Variants in NUDT3 observed in about 807,000 individuals in gnomAD.
NUDT3 encodes the protein diphosphoinositol polyphosphate phosphohydrolase 1.
Under a neutral mutation model 23.6 loss-of-function variants are expected in NUDT3, and 9 were observed. The ratio of observed to expected loss-of-function variants is 0.38; its 90% CI spans 0.23 to 0.66. The LOEUF (loss-of-function observed/expected upper bound fraction) is 0.66. Among genes scored for constraint, NUDT3 ranks in the 30% least tolerant of loss-of-function variants. The pLI is 0.52. For synonymous variants in NUDT3, 86 were observed against 82.6 expected (o/e 1.04, Z -0.22); for missense variants, 172 against 218.5 (o/e 0.79, Z 1.34).
At chr6:34,297,760 A>ATTTTTTTT (rs1348385184) in intron 2 of NUDT3, among the ~76,000 whole-genome samples, 1 of 53,626 alleles carries the variant, frequency 1.9e-5, no homozygotes, top group Admixed American at 2.6e-4. Context: ...TATATATATA[A>ATTTTTTTT]TTTTTTTTTT....
intron 2 of NUDT3, among the ~76,000 whole-genome samples, chr6:34,312,117 T>C (rs1763782487): frequency 6.6e-6 from 1 of 152,098 alleles, no homozygotes; most frequent in African/African-American, 2.4e-5. Flanking sequence ...ATAGCTAAAA[T>C]TGGCAGGGTG....
chr6:34,373,422 C>T (rs206926), intron 1 of NUDT3, among the ~76,000 whole-genome samples: 149,305 of 150,938 alleles, frequency 0.99, 73,850 homozygotes, highest in Middle Eastern at 1. Context: ...AGAGGCTGAA[C>T]GGTATCTATC....
chr6:34,357,974 T>C (rs955010773), intron 1 of NUDT3, among the ~76,000 whole-genome samples: 9 of 152,180 alleles, frequency 5.9e-5, no homozygotes, highest in African/African-American at 2.2e-4. Context: ...ATTATTCTGA[T>C]TATAAATATG....
At position 34,284,782 on chromosome 6, in the gene NUDT3, G is replaced by C. The variant is rs1394919769; in HGVS notation, c.*3971C>G. ...AATTTTTTTCTTAAAAACCACAAAG[G>C]GTGACTTTTTTCTTCTAAGCAAGCA... On this transcript the variant is annotated 3_prime_UTR_variant, in exon 5 of 5. Transcript: ENST00000607016. 1 of 152,090 alleles carries C rather than the reference G, an allele frequency of 6.6e-6. No homozygotes were observed. Among genetic ancestry groups the C allele is most frequent in the Non-Finnish European group, 1.5e-5 (1 of 68,028 alleles). 9.4% of individuals were successfully genotyped at this position (152,090 alleles called of 1,614,324 possible). A position where few individuals can be genotyped will look rare whatever the true frequency, so the allele number is the denominator to read the frequency against.
At chr6:34,291,006 C>T (rs796372332) in intron 4 of NUDT3, among the ~76,000 whole-genome samples, 8 of 152,032 alleles carry the variant, frequency 5.3e-5, no homozygotes, top group Admixed American at 3.3e-4. Flanking sequence ...GTCATGCAGG[C>T]TGGAGTGCAG....
At chr6:34,324,816 T>C (rs1460158305) in intron 2 of NUDT3, among the ~76,000 whole-genome samples, 4 of 152,266 alleles carry the variant, frequency 2.6e-5, no homozygotes, top group Middle Eastern at 6.8e-3. Context: ...GAGGCAGCCA[T>C]TTACCATTTA....
At chr6:34,391,965 G>A (rs1765209217) in intron 1 of NUDT3, among the ~76,000 whole-genome samples, 1 of 152,162 alleles carries the variant, frequency 6.6e-6, no homozygotes, top group Non-Finnish European at 1.5e-5. Context: ...CCAGCCCACT[G>A]CCTTCTCCCG....
rs1763489040 is a variant in NUDT3, at chr6:34,295,687, T to C, written c.211-2A>G. ...TCCCAATGTCCCTTTTACTCCAGCC[T>C]AGAAAGTGAAAAGAACAATTAATGC... On this transcript the variant is annotated splice_acceptor_variant, in intron 2 of 4. Transcript: ENST00000607016. LOFTEE classifies it high-confidence loss of function. 2 of 1,613,828 alleles carry C rather than the reference T, an allele frequency of 1.2e-6. No individual in the cohort carries two copies. Among genetic ancestry groups the C allele is most frequent in the African/African-American group, 2.7e-5 (2 of 74,922 alleles).
At chr6:34,385,745 G>A (rs1325678988) in intron 1 of NUDT3, among the ~76,000 whole-genome samples, 3 of 150,782 alleles carry the variant, frequency 2.0e-5, no homozygotes, top group Non-Finnish European at 4.4e-5. Context: ...GTGCAGTGGC[G>A]TGCTGTTGGC....
chr6:34,313,236 G>T (rs1763802616), intron 2 of NUDT3, among the ~76,000 whole-genome samples: 1 of 152,078 alleles, frequency 6.6e-6, no homozygotes, highest in Non-Finnish European at 1.5e-5. Flanking sequence ...GTATTACTAA[G>T]TGGAAGAAGT....
At chr6:34,372,212 A>C (rs1473271523) in intron 1 of NUDT3, among the ~76,000 whole-genome samples, 2 of 152,124 alleles carry the variant, frequency 1.3e-5, no homozygotes, top group Non-Finnish European at 2.9e-5. Context: ...ATATGTGTGC[A>C]TGTGTCTTTA....
intron 2 of NUDT3, among the ~76,000 whole-genome samples, chr6:34,334,585 G>A (rs1764177672): frequency 6.6e-6 from 1 of 151,876 alleles, no homozygotes; most frequent in Non-Finnish European, 1.5e-5. Flanking sequence ...GTTGCAGTGA[G>A]CCAAGATCGT....
At chr6:34,292,087 A>C (rs1452887970) in intron 4 of NUDT3, among the ~76,000 whole-genome samples, 1 of 152,114 alleles carries the variant, frequency 6.6e-6, no homozygotes, top group Non-Finnish European at 1.5e-5. Flanking sequence ...CAAGTGTATG[A>C]CTCCTGCCTG....
At chr6:34,299,588 G>A (rs1249842630) in intron 2 of NUDT3, among the ~76,000 whole-genome samples, 2 of 147,926 alleles carry the variant, frequency 1.4e-5, no homozygotes, top group African/African-American at 2.5e-5. Flanking sequence ...CCAAGACCGG[G>A]TATTTTCTTG....
intron 2 of NUDT3, among the ~76,000 whole-genome samples, chr6:34,324,965 T>C (rs17629270): frequency 0.095 from 14,383 of 152,186 alleles, 791 homozygotes; most frequent in Non-Finnish European, 0.12. Flanking sequence ...ATCATCACAA[T>C]TGCAACTCAG....
chr6:34,303,907 T>A (rs1262278595), intron 2 of NUDT3, among the ~76,000 whole-genome samples: 1 of 152,140 alleles, frequency 6.6e-6, no homozygotes, highest in Non-Finnish European at 1.5e-5. Flanking sequence ...CTAAAACAGA[T>A]ACCATATGAA....
rs1418995249 is a variant in NUDT3 at position 34,316,218 on chromosome 6, G to A, written c.211-20533C>T. 3.3e-5 allele frequency among the ~76,000 whole-genome samples: 5 copies of A among 152,132 alleles called. No individual in the cohort carries two copies. The East Asian group carries it at 7.7e-4, about 24-fold the overall frequency. ...TATGGCTTATTTTGAAACTAAAACC[G>A]TATCTATTTTAGGGCCTGATGTGGA... On this transcript the variant is annotated intron_variant, in intron 2 of 4. Coordinates refer to ENST00000607016, the MANE Select transcript of NUDT3 (RefSeq NM_006703.4).
chr6:34,314,431 C>A (rs1409021049), intron 2 of NUDT3, among the ~76,000 whole-genome samples: 1 of 148,256 alleles, frequency 6.7e-6, no homozygotes, highest in Non-Finnish European at 1.5e-5. Context: ...TGGTGGTATG[C>A]GCCTGCAGTC....
intron 2 of NUDT3, among the ~76,000 whole-genome samples, chr6:34,332,148 T>C (rs1370365216): frequency 6.6e-6 from 1 of 152,080 alleles, no homozygotes. Context: ...GGTATATAAT[T>C]TTTGACTCTC....
Sources: gnomAD v4.1 joint callset for allele counts (sites outside exome capture counted in the v4.1 genomes callset) on GRCh38, gnomAD v4.1.1 for gene constraint, MANE v1.5 for transcripts, NCBI Gene and HGNC (gene_info 2026-07-23, HGNC 2026-07-21) for gene names.